Variants in ASIC5 observed in about 807,000 individuals in gnomAD.
The protein encoded by ASIC5 is bile acid-sensitive ion channel.
In ASIC5, 52 loss-of-function variants were observed where a neutral mutation model predicts 51.2. The ratio of observed to expected loss-of-function variants is 1.02; its 90% CI spans 0.81 to 1.28. ASIC5 has a LOEUF of 1.28. Ranked by LOEUF, ASIC5 falls within the 50% of genes most tolerant of loss-of-function variation. The probability of loss-of-function intolerance (pLI) is 0.00; values close to 1 mark genes in which losing one functional copy is unlikely to be tolerated. For missense variants in ASIC5, 635 were observed against 595.0 expected (o/e 1.07, Z -0.70); for synonymous variants, 231 against 200.7 (o/e 1.15, Z -1.28).
chr4:155,861,377 A>G (rs904646177), intron 2 of ASIC5, among the ~76,000 whole-genome samples: 1 of 151,968 alleles, frequency 6.6e-6, no homozygotes, highest in African/African-American at 2.4e-5. Context: ...ATCTAACTAT[A>G]TAGGTTAACT....
chr4:155,850,470 G>T (rs1275903419), intron 4 of ASIC5, among the ~76,000 whole-genome samples: 1 of 152,006 alleles, frequency 6.6e-6, no homozygotes, highest in Non-Finnish European at 1.5e-5. Context: ...TGTGTCATGG[G>T]TGCCTGTTCT....
intron 6 of ASIC5, among the ~76,000 whole-genome samples, chr4:155,840,158 G>C (rs1394402539): frequency 6.6e-6 from 1 of 151,986 alleles, no homozygotes; most frequent in Admixed American, 6.6e-5. Context: ...TAGCCAGTAG[G>C]TTTTGGTTTA....
intron 4 of ASIC5, among the ~76,000 whole-genome samples, chr4:155,845,823 T>G (rs1741228612): frequency 6.6e-6 from 1 of 152,114 alleles, no homozygotes; most frequent in African/African-American, 2.4e-5. Context: ...TGCTATTTTA[T>G]TTTCACCTGA....
At chr4:155,862,210 G>A (rs1741725605) in intron 2 of ASIC5, among the ~76,000 whole-genome samples, 1 of 151,890 alleles carries the variant, frequency 6.6e-6, no homozygotes, top group African/African-American at 2.4e-5. Flanking sequence ...TCATTTTTTG[G>A]GGGGAAAGGA....
rs59053802 is a variant in ASIC5 at position 155,860,575 on chromosome 4, C to T, written c.347+2873G>A. ...TGGGAGCTGGAGATACCTTTCATGCCTGTAAACTGATATTGTCTTAATTTT... is the reference window on the plus strand; with the variant it reads ...TGGGAGCTGGAGATACCTTTCATGCTTGTAAACTGATATTGTCTTAATTTT... On this transcript the variant is annotated intron_variant, in intron 2 of 9. Transcript: ENST00000537611. Among the ~76,000 whole-genome samples, 1,244 of 151,862 alleles carry T rather than the reference C, an allele frequency of 8.2e-3. 12 individuals carry two copies. Among genetic ancestry groups the T allele is most frequent in the African/African-American group, 0.028 (1,174 of 41,490 alleles).
chr4:155,862,389 A>C (rs1741732927), intron 2 of ASIC5, among the ~76,000 whole-genome samples: 1 of 152,136 alleles, frequency 6.6e-6, no homozygotes, highest in Non-Finnish European at 1.5e-5. Context: ...TGTAACAACA[A>C]ATATGTGAAG....
At chr4:155,843,534 G>T in intron 5 of ASIC5, 147 bp downstream of exon 5, 1 of 872,556 alleles carries the variant, frequency 1.1e-6, no homozygotes, top group East Asian at 2.6e-5. Flanking sequence ...TGTACCTTCA[G>T]ATAAAGGAAA....
chr4:155,864,426 G>T lies in ASIC5; in HGVS notation c.41-672C>A, dbSNP rs1455665700. The T allele has an allele frequency of 4.6e-5, 7 of 152,022 alleles. No homozygotes were observed. The East Asian group carries it at 1.3e-3, about 29-fold the overall frequency. The allele number at this position is 152,022 out of a possible 1,614,324, so 9.4% of individuals were successfully genotyped here. On this transcript the variant is annotated intron_variant, in intron 1 of 9. Transcript: ENST00000537611. ...ATTGATATTCATTGGTAAGAACCAG[G>T]GAAGGTAACACTAAATTTTTTTGGC... is the stretch of plus-strand genomic sequence containing the variant.
chr4:155,841,825 T>C (rs1741127239), intron 6 of ASIC5, among the ~76,000 whole-genome samples: 1 of 152,190 alleles, frequency 6.6e-6, no homozygotes, highest in Non-Finnish European at 1.5e-5. Flanking sequence ...GATTTTATAA[T>C]GTAAAATTTG....
chr4:155,852,118 C>A, intron 4 of ASIC5, 73 bp downstream of exon 4: 1 of 1,522,256 alleles, frequency 6.6e-7, no homozygotes, highest in South Asian at 1.1e-5. Context: ...TCTGATATGG[C>A]CCAATAGTCT....
Position 155,843,757 on chromosome 4 carries a change from T to C in ASIC5, c.785A>G (p.Lys262Arg). The C allele has an allele frequency of 6.2e-7, 1 of 1,613,738 alleles. No individual in the cohort carries two copies. The highest frequency in any genetic ancestry group is 8.5e-7 in the Non-Finnish European group (1 of 1,179,738). ...GCCTAACCCATCAAACTGTGGCACC[T>C]TCTTTGGTGAATGGATAACAAAGAT... ...GIIFVIHSPK[K>R]VPQFDGLGLL... Residue 262 changes from lysine to arginine, a missense_variant, in exon 5 of 10, where the codon AAG (lysine) becomes AGG (arginine). Physicochemically the swap from Lys to Arg is conservative, Grantham distance 26 (BLOSUM62 2). Coordinates refer to ENST00000537611, the MANE Select transcript of ASIC5 (RefSeq NM_017419.3).
intron 3 of ASIC5, 142 bp from the exon 4 acceptor site, chr4:155,852,458 G>A: frequency 5.7e-6 from 3 of 526,930 alleles, no homozygotes; most frequent in Non-Finnish European, 8.9e-6. Context: ...ATTTATATGT[G>A]TATTCAGTGA....
At chr4:155,858,340 A>G (rs890255081) in intron 2 of ASIC5, among the ~76,000 whole-genome samples, 11 of 152,092 alleles carry the variant, frequency 7.2e-5, no homozygotes, top group African/African-American at 2.2e-4. Context: ...TTGAAAATTA[A>G]AATTAATAAG....
intron 1 of ASIC5, among the ~76,000 whole-genome samples, chr4:155,865,622 C>A (rs548998065): frequency 6.6e-6 from 1 of 152,200 alleles, no homozygotes; most frequent in East Asian, 1.9e-4. Context: ...ACATCTAATC[C>A]TTGACAATTG....
intron 4 of ASIC5, among the ~76,000 whole-genome samples, chr4:155,845,844 A>G (rs546008442): frequency 3.3e-5 from 5 of 152,238 alleles, no homozygotes; most frequent in Non-Finnish European, 7.4e-5. Flanking sequence ...GTTGTTTCCT[A>G]TAATAAGCAA....
chr4:155,863,389 A>G (rs1741764574), intron 2 of ASIC5, 59 bp downstream of exon 2: 3 of 1,339,320 alleles, frequency 2.2e-6, no homozygotes, highest in Admixed American at 4.6e-5. Flanking sequence ...CAGTCATCCA[A>G]GAAAGATTAT....
chr4:155,832,276 T>A (rs1740887180), intron 8 of ASIC5, among the ~76,000 whole-genome samples: 1 of 152,202 alleles, frequency 6.6e-6, no homozygotes, highest in South Asian at 2.1e-4. Flanking sequence ...ATCACATTGG[T>A]TTTTTTAAGT....
Position 155,829,998 on chromosome 4 carries a change from G to A in ASIC5, c.1376C>T (p.Thr459Met), listed in dbSNP as rs752923424. 3.4e-5 allele frequency: 54 copies of A among 1,592,978 alleles called. No individual in the cohort carries two copies. Among genetic ancestry groups the A allele is most frequent in the Middle Eastern group, 1.8e-4 (1 of 5,526 alleles). ...LGLFCGASLI[T>M]IIEIIEYLFT... ...TAGATATTCAATAATTTCTATGATC[G>A]TGATCAGACTGGCCCCACAAAATAG... Residue 459 changes from threonine (T) to methionine (M), a missense_variant, in exon 10 of 10, where the codon ACG (threonine) becomes ATG (methionine). Coordinates refer to ENST00000537611, the MANE Select transcript of ASIC5 (RefSeq NM_017419.3).
At chr4:155,864,950 A>T (rs1741823603) in intron 1 of ASIC5, 1 of 152,114 alleles carries the variant, frequency 6.6e-6, no homozygotes, top group Admixed American at 6.6e-5. Flanking sequence ...CTTTTGGAAT[A>T]TAGGTATTCA....
Sources: allele counts gnomAD v4.1 joint callset (sites outside exome capture counted in the v4.1 genomes callset), GRCh38; gene constraint gnomAD v4.1.1; transcripts MANE v1.5; gene names NCBI Gene and HGNC (gene_info 2026-07-23, HGNC 2026-07-21).